Variants in BDP1 observed in about 807,000 individuals in gnomAD.
BDP1 encodes transcription factor TFIIIB component B'' homolog.
A neutral mutation model predicts 266.6 loss-of-function variants in BDP1; 169 were observed. The observed-to-expected ratio is 0.63, with a 90% CI of 0.56 to 0.72. The LOEUF (loss-of-function observed/expected upper bound fraction) is 0.72, where lower values mean the gene tolerates loss of function less well. Ranked by LOEUF, BDP1 falls within the 30% of genes least tolerant of loss-of-function variation. BDP1 has a pLI of 0.00. For synonymous variants in BDP1, 1,090 were observed against 1,022.4 expected (o/e 1.07, Z -1.26); for missense variants, 3,015 against 3,053.8 (o/e 0.99, Z 0.30).
chr5:71,518,469 G>A (rs558724096), intron 22 of BDP1, among the ~76,000 whole-genome samples: 5 of 152,216 alleles, frequency 3.3e-5, no homozygotes, highest in African/African-American at 1.2e-4. Context: ...TACTTTTTGA[G>A]ACAAGGTGTC....
At chr5:71,562,567 A>T in intron 38 of BDP1, 47 bp downstream of exon 38, 1 of 1,577,856 alleles carries the variant, frequency 6.3e-7, no homozygotes, top group East Asian at 2.2e-5. Context: ...GATGGGTTGG[A>T]TATGAGATTC....
At chr5:71,456,706 T>G (rs1761212287) in intron 1 of BDP1, among the ~76,000 whole-genome samples, 1 of 152,230 alleles carries the variant, frequency 6.6e-6, no homozygotes, top group Admixed American at 6.5e-5. Flanking sequence ...TATTGCCTAC[T>G]TGGAGCGTTT....
intron 26 of BDP1, among the ~76,000 whole-genome samples, chr5:71,532,911 C>G (rs939847568): frequency 6.6e-6 from 1 of 152,098 alleles, no homozygotes; most frequent in Non-Finnish European, 1.5e-5. Flanking sequence ...AAAAAGAAAC[C>G]TTATTAGCAG....
downstream of BDP1, among the ~76,000 whole-genome samples, chr5:71,569,665 G>A (rs1744200942): frequency 6.6e-6 from 1 of 152,180 alleles, no homozygotes; most frequent in South Asian, 2.1e-4. Flanking sequence ...AGGATCACTT[G>A]AGCCCAGAGG....
chr5:71,564,951 A>C lies in BDP1; in HGVS notation c.*66A>C. The C allele has an allele frequency of 7.0e-7, 1 of 1,435,342 alleles. No homozygotes were observed. Among genetic ancestry groups the C allele is most frequent in the Non-Finnish European group, 9.5e-7 (1 of 1,056,640 alleles). The allele number at this position is 1,435,342 out of a possible 1,614,324, so 88.9% of individuals were successfully genotyped here. The stretch of plus-strand genomic sequence containing the variant: ...ATTTCCAGAGTCAATTACATCAACA[A>C]AACAGTATTTAGAGCAAAATATCAC... On this transcript the variant is annotated 3_prime_UTR_variant, in exon 39 of 39. Coordinates refer to ENST00000358731, the MANE Select transcript of BDP1 (RefSeq NM_018429.3).
intron 20 of BDP1, among the ~76,000 whole-genome samples, chr5:71,515,431 T>G (rs1266010494): frequency 1.3e-5 from 2 of 152,300 alleles, no homozygotes; most frequent in East Asian, 1.9e-4. Flanking sequence ...TTTTGAGAGC[T>G]GACATGATGC....
chr5:71,479,704 G>A (rs1728797909), intron 7 of BDP1, among the ~76,000 whole-genome samples: 1 of 150,740 alleles, frequency 6.6e-6, no homozygotes, highest in Non-Finnish European at 1.5e-5. Flanking sequence ...CCACCACCAC[G>A]CCCGGCTAAT....
chr5:71,488,234 T>C (rs921023864), intron 9 of BDP1, among the ~76,000 whole-genome samples: 1 of 151,984 alleles, frequency 6.6e-6, no homozygotes, highest in East Asian at 1.9e-4. Flanking sequence ...CAAGCAGTTC[T>C]TTCACCTCAG....
rs760027854 is a variant in BDP1 at position 71,458,623 on chromosome 5, G to T, written c.257G>T (p.Arg86Ile). Residue 86 changes from arginine (R) to isoleucine (I), a missense_variant, in exon 2 of 39, where the codon AGA becomes ATA. Arg to Ile is a moderately conservative substitution (Grantham distance 97, BLOSUM62 -3). Around this residue, in one of 3 missense-constraint regions of BDP1, gnomAD observed 2,383 missense variants for 2,404.9 expected, o/e 0.99. Coordinates refer to ENST00000358731, the MANE Select transcript of BDP1 (RefSeq NM_018429.3). ...GACAATGATGTTGAAGAATCCAGTAGATCTTCCTCTACTGTTTCACAGAGA... is the reference window on the plus strand; with the variant it reads ...GACAATGATGTTGAAGAATCCAGTATATCTTCCTCTACTGTTTCACAGAGA... ...GGDNDVEESSRSSSTVSQRRK... is the reference protein window; with the variant it reads ...GGDNDVEESSISSSTVSQRRK... 3.1e-6 allele frequency: 5 copies of T among 1,613,308 alleles called. No individual in the cohort carries two copies. The highest frequency in any genetic ancestry group is 1.6e-4 in the Middle Eastern group (1 of 6,062).
At chr5:71,457,989 T>G (rs545928554) in intron 1 of BDP1, among the ~76,000 whole-genome samples, 14 of 152,304 alleles carry the variant, frequency 9.2e-5, no homozygotes, top group African/African-American at 3.4e-4. Context: ...GATGGCTGTA[T>G]AAGTAGAGTT....
At chr5:71,469,826 C>G (rs574772492) in intron 6 of BDP1, among the ~76,000 whole-genome samples, 25 of 146,284 alleles carry the variant, frequency 1.7e-4, no homozygotes, top group African/African-American at 6.3e-4. Flanking sequence ...CATGTTGGCC[C>G]GGCTGGTCTC....
Position 71,502,181 on chromosome 5 carries a change from T to C in BDP1, c.2049-418T>C, listed in dbSNP as rs560777798. Among the ~76,000 whole-genome samples the C allele has an allele frequency of 3.5e-4, 52 of 148,280 alleles. 1 individual carries two copies. The highest frequency in any genetic ancestry group is 3.2e-3 in the South Asian group (15 of 4,674). ...GGCTTCCAGGATTATGTCTTTTTTT[T>C]TCTCTCTCTTTTTTTTTTTTTTTGA... On this transcript the variant is annotated intron_variant, in intron 14 of 38. Coordinates refer to ENST00000358731, the MANE Select transcript of BDP1 (RefSeq NM_018429.3).
At chr5:71,532,069 A>C (rs1365474778) in intron 25 of BDP1, among the ~76,000 whole-genome samples, 1 of 152,232 alleles carries the variant, frequency 6.6e-6, no homozygotes, top group Non-Finnish European at 1.5e-5. Flanking sequence ...GATGAGTCTT[A>C]GAAAATTTGC....
chr5:71,539,785 A>C (rs1435401024), intron 28 of BDP1, 136 bp downstream of exon 28: 3 of 582,470 alleles, frequency 5.2e-6, no homozygotes, highest in East Asian at 5.8e-5. Flanking sequence ...AAAATATGAT[A>C]TGTATGTATT....
Position 71,524,138 on chromosome 5 carries a change from G to A in BDP1, c.5587G>A (p.Ala1863Thr), listed in dbSNP as rs1386527502. ...TSKKEPRASK[A>T]MLVTLRASQE... The stretch of plus-strand genomic sequence containing the variant: ...TAAGAAGGAACCTAGAGCTTCCAAG[G>A]CCATGCTGGTGACTCTTCGGGCTTC... The change falls in exon 25 of 39, where the codon GCC becomes ACC. Residue 1863 changes from alanine (A) to threonine (T), a missense_variant. Ala to Thr is a moderately conservative substitution (Grantham distance 58). Transcript: ENST00000358731. 6.2e-7 allele frequency: 1 copy of A among 1,614,172 alleles called. No homozygotes were observed. The highest frequency in any genetic ancestry group is 1.1e-5 in the South Asian group (1 of 91,086).
intron 25 of BDP1, among the ~76,000 whole-genome samples, chr5:71,530,330 G>T (rs547919014): frequency 6.6e-6 from 1 of 152,104 alleles, no homozygotes; most frequent in Non-Finnish European, 1.5e-5. Flanking sequence ...CGCCTCCCAG[G>T]CTCAAGCAAT....
At chr5:71,478,928 A>G (rs1378794261) in intron 7 of BDP1, among the ~76,000 whole-genome samples, 2 of 152,210 alleles carry the variant, frequency 1.3e-5, no homozygotes, top group East Asian at 3.9e-4. Flanking sequence ...CATAGCGTCA[A>G]GTTCACTGAC....
At chr5:71,471,604 G>A (rs181437853) in intron 7 of BDP1, among the ~76,000 whole-genome samples, 1 of 152,182 alleles carries the variant, frequency 6.6e-6, no homozygotes, top group African/African-American at 2.4e-5. Context: ...AGTGATGTCA[G>A]TTACAGCTAT....
intron 30 of BDP1, 131 bp downstream of exon 30, chr5:71,542,396 C>T (rs939140711): frequency 1.2e-5 from 10 of 847,856 alleles, no homozygotes; most frequent in Admixed American, 6.5e-5. Context: ...AAAAGTAAGA[C>T]GAGCTATAAA....
Sources: allele counts gnomAD v4.1 joint callset (sites outside exome capture counted in the v4.1 genomes callset), GRCh38; gene constraint gnomAD v4.1.1; regional missense constraint gnomAD v4.1.1; transcripts MANE v1.5; gene names NCBI Gene and HGNC (gene_info 2026-07-23, HGNC 2026-07-21).